GPR137C: variants seen among roughly 807,000 people sequenced by gnomAD.
The protein encoded by GPR137C is G protein-coupled receptor 137C.
In GPR137C, 27 loss-of-function variants were observed where a neutral mutation model predicts 43.4. The observed-to-expected ratio is 0.62, with a 90% CI of 0.46 to 0.86. The LOEUF is 0.86. Among genes scored for constraint, GPR137C ranks in the 40% least tolerant of loss-of-function variants. The pLI is 0.00. For missense variants in GPR137C, 522 were observed against 534.6 expected (o/e 0.98, Z 0.23); for synonymous variants, 285 against 226.9 (o/e 1.26, Z -2.30).
chr14:52,583,635 C>A (rs777749479), intron 1 of GPR137C, among the ~76,000 whole-genome samples: 54 of 152,166 alleles, frequency 3.5e-4, no homozygotes, highest in Non-Finnish European at 7.6e-4. Flanking sequence ...GAAAAATGAT[C>A]AGCCTATTTT....
chr14:52,556,424 T>C (rs2038195435), intron 1 of GPR137C, among the ~76,000 whole-genome samples: 1 of 147,064 alleles, frequency 6.8e-6, no homozygotes, highest in Non-Finnish European at 1.5e-5. Flanking sequence ...TACACTTGAA[T>C]GGAATTGAGA....
At chr14:52,594,535 CTCT>C (rs1014871008) in intron 1 of GPR137C, among the ~76,000 whole-genome samples, 1 of 152,176 alleles carries the variant, frequency 6.6e-6, no homozygotes, top group Non-Finnish European at 1.5e-5. Context: ...GGATAGTTAG[CTCT>C]TCTTGTTGAA....
rs186359223 is a variant in GPR137C at position 52,559,950 on chromosome 14, C to A, written c.444+6359C>A. On this transcript the variant is annotated intron_variant, in intron 1 of 6. Coordinates refer to ENST00000321662, the MANE Select transcript of GPR137C (RefSeq NM_001099652.2). Reference sequence around the variant, plus strand: ...CCGAGTTGGGAGGATCGCTTTAGCTCAGCAGTTCATGACCAGCCTGGGCAA... The same window carrying A: ...CCGAGTTGGGAGGATCGCTTTAGCTAAGCAGTTCATGACCAGCCTGGGCAA... Among the ~76,000 whole-genome samples the A allele has an allele frequency of 2.0e-3, 307 of 152,226 alleles. 1 individual carries two copies. The highest frequency in any genetic ancestry group is 7.3e-3 in the African/African-American group (303 of 41,562).
At chr14:52,631,505 A>T (rs901526248) in intron 3 of GPR137C, among the ~76,000 whole-genome samples, 3 of 152,174 alleles carry the variant, frequency 2.0e-5, no homozygotes, top group African/African-American at 7.2e-5. Context: ...CAGGTTAAGA[A>T]TCTCTGCAAG....
chr14:52,577,522 A>G (rs887534629), intron 1 of GPR137C, among the ~76,000 whole-genome samples: 6 of 151,644 alleles, frequency 4.0e-5, no homozygotes, highest in African/African-American at 1.2e-4. Flanking sequence ...GCGCGCACAC[A>G]CACACACACA....
intron 3 of GPR137C, among the ~76,000 whole-genome samples, chr14:52,602,311 G>T (rs2038936071): frequency 6.6e-6 from 1 of 150,688 alleles, no homozygotes. Flanking sequence ...GGGTTTTTTT[G>T]GTTGTTTCTG....
At chr14:52,607,261 T>C (rs1225866082) in intron 3 of GPR137C, among the ~76,000 whole-genome samples, 6 of 152,212 alleles carry the variant, frequency 3.9e-5, no homozygotes, top group Non-Finnish European at 8.8e-5. Context: ...ATGTGCATTC[T>C]GCAGCAGTTG....
At chr14:52,574,796 T>C (rs2038526572) in intron 1 of GPR137C, among the ~76,000 whole-genome samples, 1 of 152,208 alleles carries the variant, frequency 6.6e-6, no homozygotes, top group African/African-American at 2.4e-5. Context: ...TACATTCTGC[T>C]CCTTTTTCCC....
chr14:52,614,123 CTT>C (rs201382954), intron 3 of GPR137C, among the ~76,000 whole-genome samples: 15 of 142,064 alleles, frequency 1.1e-4, no homozygotes, highest in Admixed American at 2.1e-4. Context: ...AGCACTTTTT[CTT>C]TTTTTTTTTT....
chr14:52,565,184 C>T (rs997923747), intron 1 of GPR137C, among the ~76,000 whole-genome samples: 7 of 152,140 alleles, frequency 4.6e-5, no homozygotes, highest in African/African-American at 9.7e-5. Flanking sequence ...TAAATAATGA[C>T]GGGATTTTCA....
intron 1 of GPR137C, among the ~76,000 whole-genome samples, chr14:52,553,950 C>G (rs1226767013): frequency 1.3e-5 from 2 of 152,154 alleles, no homozygotes; most frequent in Non-Finnish European, 2.9e-5. Flanking sequence ...GTGGCTCTGC[C>G]GAAGCCGGAC....
intron 3 of GPR137C, among the ~76,000 whole-genome samples, chr14:52,601,669 C>A (rs910620811): frequency 6.6e-6 from 1 of 151,984 alleles, no homozygotes; most frequent in Non-Finnish European, 1.5e-5. Context: ...AAAAATAATA[C>A]TGTCACTGTT....
intron 3 of GPR137C, among the ~76,000 whole-genome samples, chr14:52,622,030 T>G (rs951278050): frequency 6.6e-6 from 1 of 151,938 alleles, no homozygotes; most frequent in African/African-American, 2.4e-5. Flanking sequence ...CTTTAATATC[T>G]GACTTAATAG....
intron 1 of GPR137C, among the ~76,000 whole-genome samples, chr14:52,583,794 T>C (rs866840761): frequency 1.3e-5 from 2 of 152,214 alleles, no homozygotes; most frequent in East Asian, 1.9e-4. Flanking sequence ...TCCTGTGATA[T>C]ATGATCTTTC....
chr14:52,613,692 T>C (rs1374972575), intron 3 of GPR137C: 1 of 293,038 alleles, frequency 3.4e-6, no homozygotes, highest in Non-Finnish European at 6.9e-6. Context: ...TCATTCTTTC[T>C]TATGGCTGAA....
rs899973983 is a variant in GPR137C at position 52,586,370 on chromosome 14, C to G, written c.445-11902C>G. 2.0e-5 allele frequency among the ~76,000 whole-genome samples: 3 copies of G among 152,306 alleles called. No individual in the cohort carries two copies. In the South Asian group the frequency reaches 6.2e-4, roughly 32 times the overall value. On this transcript the variant is annotated intron_variant, in intron 1 of 6. Coordinates refer to ENST00000321662, the MANE Select transcript of GPR137C (RefSeq NM_001099652.2). The stretch of plus-strand genomic sequence containing the variant: ...CTCACTGCTTCTGTTGTCTTACTTC[C>G]TATCAACTCCTTGCACTTCTGCTCT...
Position 52,633,612 on chromosome 14 carries a change from C to T in GPR137C, c.950C>T (p.Ser317Leu), listed in dbSNP as rs557740579. 14 of 1,612,956 alleles carry T rather than the reference C, an allele frequency of 8.7e-6. No homozygotes were observed. Among genetic ancestry groups the T allele is most frequent in the Middle Eastern group, 1.7e-4 (1 of 6,056 alleles). ...LFLWEHVPAW[S>L]VVLFFRAQRL... The stretch of plus-strand genomic sequence containing the variant: ...CTGTGGGAACATGTGCCAGCATGGT[C>T]GGTGGTACTGTTTTTCCGGGCACAG... The change falls in exon 5 of 7, where the codon TCG becomes TTG. Residue 317 changes from serine (S) to leucine (L), a missense_variant. By Grantham distance (145) the Ser-to-Leu change is moderately radical. This residue lies in a region of GPR137C where 437 missense variants were observed against 425.7 expected (regional missense o/e 1.03). Coordinates refer to ENST00000321662, the MANE Select transcript of GPR137C (RefSeq NM_001099652.2).
chr14:52,618,728 G>GA (rs1394808053), intron 3 of GPR137C, among the ~76,000 whole-genome samples: 1 of 151,782 alleles, frequency 6.6e-6, no homozygotes, highest in African/African-American at 2.4e-5. Context: ...TTCCATTTCA[G>GA]AAAAAATAAG....
chr14:52,609,184 C>T (rs951302832), intron 3 of GPR137C, among the ~76,000 whole-genome samples: 6 of 152,014 alleles, frequency 3.9e-5, no homozygotes, highest in African/African-American at 1.4e-4. Flanking sequence ...TCTGTTTAAC[C>T]AATTCTGCTG....
Sources: allele counts gnomAD v4.1 joint callset (sites outside exome capture counted in the v4.1 genomes callset), GRCh38; gene constraint gnomAD v4.1.1; regional missense constraint gnomAD v4.1.1; transcripts MANE v1.5; gene names NCBI Gene and HGNC (gene_info 2026-07-23, HGNC 2026-07-21).